FRMPD1: variants seen among roughly 807,000 people sequenced by gnomAD.
FRMPD1 encodes the protein FERM and PDZ domain containing 1.
Under a neutral mutation model 117.8 loss-of-function variants are expected in FRMPD1, and 76 were observed. The observed-to-expected ratio is 0.65, with a 90% CI of 0.54 to 0.78. FRMPD1 has a LOEUF of 0.78. Among genes scored for constraint, FRMPD1 ranks in the 30% least tolerant of loss-of-function variants. The pLI, the probability that FRMPD1 is intolerant of heterozygous loss-of-function variation, is 0.00. For missense variants in FRMPD1, 1,786 were observed against 1,964.5 expected (o/e 0.91, Z 1.72); for synonymous variants, 783 against 770.4 (o/e 1.02, Z -0.27).
At chr9:37,718,982 GTT>G in intron 5 of FRMPD1, 85 bp from the exon 6 acceptor site, 1 of 781,940 alleles carries the variant, frequency 1.3e-6, no homozygotes, top group Non-Finnish European at 2.3e-6. Flanking sequence ...AGCTATCAAA[GTT>G]TCTGTTTTTA....
chr9:37,737,962 C>A (rs1264480409), intron 14 of FRMPD1, among the ~76,000 whole-genome samples: 2 of 151,946 alleles, frequency 1.3e-5, no homozygotes, highest in African/African-American at 4.8e-5. Context: ...TATAAAAGAA[C>A]TTCTCTGCAA....
In FRMPD1 at chr9:37,729,025, T is replaced by C. The variant is rs974797916; in HGVS notation, c.613-703T>C. Among the ~76,000 whole-genome samples, 9 of 150,666 alleles carry C rather than the reference T, an allele frequency of 6.0e-5. No individual in the cohort carries two copies. The East Asian group carries it at 1.8e-3, about 30-fold the overall frequency. On this transcript the variant is annotated intron_variant, in intron 7 of 15. Coordinates refer to ENST00000377765, the MANE Select transcript of FRMPD1 (RefSeq NM_014907.3). ...GAGTGGGTGGTGGGATTCTGTCTAG[T>C]AAGCAGTCAAAGATACAGACTGGGA... is the stretch of plus-strand genomic sequence containing the variant.
In FRMPD1 at chr9:37,745,439, C is replaced by T; in HGVS notation, c.3407C>T (p.Ser1136Phe). ...GAGTCTAGGAAGGATTCAGGTGACTCCCCGGGTGATGTGTCAAATAATGTT... is the reference window on the plus strand; with the variant it reads ...GAGTCTAGGAAGGATTCAGGTGACTTCCCGGGTGATGTGTCAAATAATGTT... ...QEESRKDSGD[S>F]PGDVSNNVSQ... The change falls in exon 16 of 16, where the codon TCC becomes TTC. Residue 1136 changes from serine to phenylalanine, a missense_variant. Transcript: ENST00000377765. The T allele has an allele frequency of 1.2e-6, 2 of 1,613,662 alleles. No individual in the cohort carries two copies. The highest frequency in any genetic ancestry group is 1.7e-5 in the Admixed American group (1 of 60,000).
the FRMPD1 span, chr9:37,636,951 T>C: frequency 1.2e-6 from 2 of 1,603,264 alleles, no homozygotes; most frequent in Non-Finnish European, 1.7e-6. Context: ...AGGAGCTTAT[T>C]GACGTTCTCG....
At chr9:37,611,607 TC>T in the FRMPD1 span, among the ~76,000 whole-genome samples, 1 of 152,344 alleles carries the variant, frequency 6.6e-6, no homozygotes, top group Admixed American at 6.5e-5. Context: ...GTATATTGGT[TC>T]TAAGAGGATT....
chr9:37,665,966 T>A (rs1472368815), intron 1 of FRMPD1, among the ~76,000 whole-genome samples: 2 of 152,062 alleles, frequency 1.3e-5, no homozygotes, highest in East Asian at 3.9e-4. Context: ...GAGATCAGAG[T>A]TGGGTAGAAT....
intron 1 of FRMPD1, among the ~76,000 whole-genome samples, chr9:37,670,639 A>C (rs957194763): frequency 1.3e-5 from 2 of 152,198 alleles, no homozygotes; most frequent in Admixed American, 6.5e-5. Flanking sequence ...TCAAATACTC[A>C]CTTAGGAGTT....
chr9:37,632,833 G>A, the FRMPD1 span, among the ~76,000 whole-genome samples: 1 of 151,356 alleles, frequency 6.6e-6, no homozygotes, highest in East Asian at 1.9e-4. Context: ...GAATAAGAAA[G>A]GGATGAGTTC....
At chr9:37,645,253 G>T in the FRMPD1 span, among the ~76,000 whole-genome samples, 1 of 152,150 alleles carries the variant, frequency 6.6e-6, no homozygotes, top group Non-Finnish European at 1.5e-5. Context: ...CATCTGACAA[G>T]AGACATAAAG....
At chr9:37,607,788 T>G in the FRMPD1 span, among the ~76,000 whole-genome samples, 2 of 152,348 alleles carry the variant, frequency 1.3e-5, no homozygotes, top group African/African-American at 4.8e-5. Flanking sequence ...CCTCATGGTT[T>G]AGGTTTTGAT....
intron 5 of FRMPD1, among the ~76,000 whole-genome samples, chr9:37,717,341 A>G (rs113834652): frequency 0.055 from 6,601 of 120,108 alleles, 265 homozygotes; most frequent in African/African-American, 0.098. Flanking sequence ...ATGTGTATAT[A>G]TGTGTGTGTG....
the FRMPD1 span, among the ~76,000 whole-genome samples, chr9:37,603,321 C>T: frequency 2.0e-5 from 3 of 152,076 alleles, no homozygotes; most frequent in Non-Finnish European, 2.9e-5. Context: ...AGACTGTGGA[C>T]ACTGGTGGAA....
chr9:37,667,013 C>T (rs1821180435), intron 1 of FRMPD1, among the ~76,000 whole-genome samples: 1 of 147,464 alleles, frequency 6.8e-6, no homozygotes. Context: ...GTATTCCTCT[C>T]TTATGGTGTT....
Position 37,744,666 on chromosome 9 carries a change from T to C in FRMPD1, c.2634T>C (p.Gly878=). The change falls in exon 16 of 16, where the codon GGT becomes GGC. Residue 878 remains glycine, a synonymous_variant. Coordinates refer to ENST00000377765, the MANE Select transcript of FRMPD1 (RefSeq NM_014907.3). ...YYDREPYLAL[G]APSPTVSSLQ... is the part of the protein sequence containing the mutation. ...ACAGGGAGCCCTACCTGGCCCTTGG[T>C]GCACCCTCCCCAACTGTGTCCTCTC... is the stretch of plus-strand genomic sequence containing the variant. 1 of 1,614,086 alleles carries C rather than the reference T, an allele frequency of 6.2e-7. No individual in the cohort carries two copies. The highest frequency in any genetic ancestry group is 8.5e-7 in the Non-Finnish European group (1 of 1,180,016).
chr9:37,719,148 AAG>A lies in FRMPD1; in HGVS notation c.490_491del (p.Glu164SerfsTer10). The A allele has an allele frequency of 6.2e-7, 1 of 1,611,506 alleles. No individual in the cohort carries two copies. Among genetic ancestry groups the A allele is most frequent in the Middle Eastern group, 1.7e-4 (1 of 6,058 alleles). The stretch of plus-strand genomic sequence containing the variant: ...AACCCCGTGAAGGTGCACTTTGCTG[AAG>A]AAGTGCTCATCAGTGGACACAGCCA... On this transcript the variant is annotated frameshift_variant, in exon 6 of 16. Transcript: ENST00000377765. LOFTEE classifies it high-confidence loss of function.
the FRMPD1 span, among the ~76,000 whole-genome samples, chr9:37,619,014 C>T: frequency 6.6e-6 from 1 of 152,166 alleles, no homozygotes; most frequent in Admixed American, 6.5e-5. Flanking sequence ...TCCCACAGCA[C>T]AGCCTAGCAC....
intron 6 of FRMPD1, among the ~76,000 whole-genome samples, chr9:37,720,395 T>A (rs1588955577): frequency 6.6e-6 from 1 of 151,686 alleles, no homozygotes; most frequent in Admixed American, 6.6e-5. Flanking sequence ...CCGGGGGCGG[T>A]GGCTCACGCC....
intron 1 of FRMPD1, among the ~76,000 whole-genome samples, chr9:37,665,613 T>G (rs1025412340): frequency 6.6e-6 from 1 of 152,232 alleles, no homozygotes; most frequent in African/African-American, 2.4e-5. Context: ...CTATTCTTAT[T>G]TCTTCCTTTC....
Position 37,692,720 on chromosome 9 carries a change from C to T in FRMPD1, c.79C>T (p.Arg27Cys), listed in dbSNP as rs768913085. The stretch of plus-strand genomic sequence containing the variant: ...ACAAATGGTGGCAAGATGGCTTCGG[C>T]GCTCCCGGGACAGCTCGGCCCGGTA... ...IEQMVARWLR[R>C]SRDSSARAKV... The change falls in exon 2 of 16, where the codon CGC becomes TGC. Residue 27 changes from arginine to cysteine, a missense_variant. By Grantham distance (180) the Arg-to-Cys change is radical. Coordinates refer to ENST00000377765, the MANE Select transcript of FRMPD1 (RefSeq NM_014907.3). 35 of 1,613,278 alleles carry T rather than the reference C, an allele frequency of 2.2e-5. No homozygotes were observed. The East Asian group carries it at 4.5e-4, about 21-fold the overall frequency.
Sources: gnomAD v4.1 joint callset for allele counts (sites outside exome capture counted in the v4.1 genomes callset) on GRCh38, gnomAD v4.1.1 for gene constraint, MANE v1.5 for transcripts, NCBI Gene and HGNC (gene_info 2026-07-23, HGNC 2026-07-21) for gene names.